The following LARS1 variants were observed in gnomAD, a reference collection of about 807,000 sequenced individuals.
LARS1 encodes leucyl-tRNA synthetase 1.
Under a neutral mutation model 162.8 loss-of-function variants are expected in LARS1, and 100 were observed. The observed-to-expected ratio is 0.61, with a 90% CI of 0.52 to 0.73. The LOEUF (loss-of-function observed/expected upper bound fraction) is 0.73, where lower values mean the gene tolerates loss of function less well. Among genes scored for constraint, LARS1 ranks in the 30% least tolerant of loss-of-function variants. The pLI is 0.00. For missense variants in LARS1, 1,258 were observed against 1,408.9 expected, an observed-to-expected ratio of 0.89 and a Z score of 1.71; for synonymous variants, 457 against 462.8, an observed-to-expected ratio of 0.99 and a Z score of 0.16.
chr5:146,158,941 A>T (rs2126538825), intron 8 of LARS1, among the ~76,000 whole-genome samples: 1 of 152,136 alleles, frequency 6.6e-6, no homozygotes, highest in East Asian at 1.9e-4. Context: ...CTAAAAATAC[A>T]AAAAATTAGC....
At chr5:146,172,083 T>C (rs1754308654) in intron 3 of LARS1, 93 bp from the exon 4 acceptor site, 2 of 1,101,492 alleles carry the variant, frequency 1.8e-6, no homozygotes, top group Non-Finnish European at 1.3e-6. Context: ...GTTTTCTTCT[T>C]TACATCCTCC....
chr5:146,131,864 C>A (rs1752301066), intron 23 of LARS1: 1 of 152,146 alleles, frequency 6.6e-6, no homozygotes, highest in South Asian at 2.1e-4. Context: ...CATACCAATC[C>A]AGGTTCTTCT....
At position 146,172,709 on chromosome 5, in the gene LARS1, G is replaced by T; in HGVS notation, c.191C>A (p.Thr64Lys). The T allele has an allele frequency of 1.3e-6, 2 of 1,580,476 alleles. No homozygotes were observed. The highest frequency in any genetic ancestry group is 1.2e-5 in the South Asian group (1 of 85,598). Residue 64 changes from threonine to lysine, a missense_variant, in exon 3 of 32, where the codon ACG becomes AAG. Thr to Lys is a moderately conservative substitution (Grantham distance 78). Coordinates refer to ENST00000394434, the MANE Select transcript of LARS1 (RefSeq NM_020117.11). ...TACCTCACATTTGGATAAAGAAAAC[G>T]TGTGTCCCAAATGAAGGCGTCCATT... Reference protein sequence around the residue: ...YMNGRLHLGHTFSLSKCEFAV... With the variant: ...YMNGRLHLGHKFSLSKCEFAV...
At chr5:146,148,423 A>C (rs1192806728) in intron 15 of LARS1, among the ~76,000 whole-genome samples, 2 of 152,218 alleles carry the variant, frequency 1.3e-5, no homozygotes, top group East Asian at 3.8e-4. Context: ...AGAGTTGAGA[A>C]ATGGAGTACT....
chr5:146,124,544 A>G (rs1751966470), intron 28 of LARS1, among the ~76,000 whole-genome samples: 1 of 151,938 alleles, frequency 6.6e-6, no homozygotes, highest in South Asian at 2.1e-4. Flanking sequence ...TATCCAAACA[A>G]AAAATCCCCA....
In LARS1 at chr5:146,175,156, T is replaced by C. The variant is rs191294877; in HGVS notation, c.126-2382A>G. On this transcript the variant is annotated intron_variant, in intron 2 of 31. Coordinates refer to ENST00000394434, the MANE Select transcript of LARS1 (RefSeq NM_020117.11). ...ATCACCTGAGCCCAGGAGACAGAGG[T>C]TGCAGTGAGCTGAGATCACACAACT... Among the ~76,000 whole-genome samples, 558 of 151,684 alleles carry C rather than the reference T, an allele frequency of 3.7e-3. 2 individuals are homozygous for C. Among genetic ancestry groups the C allele is most frequent in the African/African-American group, 0.013 (522 of 41,328 alleles).
intron 1 of LARS1, 193 bp downstream of exon 1, chr5:146,182,295 T>G: frequency 1.4e-6 from 1 of 695,710 alleles, no homozygotes; most frequent in Non-Finnish European, 2.6e-6. Context: ...ATCCAAGTAC[T>G]CCGTAAAGTT....
intron 10 of LARS1, among the ~76,000 whole-genome samples, chr5:146,155,558 G>C (rs918958679): frequency 6.6e-6 from 1 of 152,152 alleles, no homozygotes. Context: ...TGGCAACAAA[G>C]AATTTGCAGC....
At chr5:146,133,239 A>G (rs1210862701) in intron 22 of LARS1, among the ~76,000 whole-genome samples, 158 bp from the exon 23 acceptor site, 2 of 152,216 alleles carry the variant, frequency 1.3e-5, no homozygotes, top group South Asian at 2.1e-4. Flanking sequence ...AAAATCACCA[A>G]AAAGTAGCAT....
At position 146,174,485 on chromosome 5, in the gene LARS1, C is replaced by CAT. The variant is rs550238465; in HGVS notation, c.126-1713_126-1712dup. On this transcript the variant is annotated intron_variant, in intron 2 of 31. Transcript: ENST00000394434. ...ATATCCATATATATATATATATATC[C>CAT]ATATATATATATATCCATATATATA... is the stretch of plus-strand genomic sequence containing the variant. Among the ~76,000 whole-genome samples the CAT allele has an allele frequency of 8.8e-3, 225 of 25,636 alleles. 12 individuals carry two copies. The highest frequency in any genetic ancestry group is 0.029 in the Middle Eastern group (1 of 34). 16.8% of individuals were successfully genotyped at this position (25,636 alleles called of 152,430 possible).
Position 146,124,416 on chromosome 5 carries a change from T to C in LARS1, c.2992-330A>G, listed in dbSNP as rs114318304. ...ACATGCAAGCCCAAAGAATTCACTT[T>C]ACAGGGAATCAGCCAAATGTGTGAA... On this transcript the variant is annotated intron_variant, in intron 28 of 31. Coordinates refer to ENST00000394434, the MANE Select transcript of LARS1 (RefSeq NM_020117.11). Among the ~76,000 whole-genome samples, 331 of 151,996 alleles carry C rather than the reference T, an allele frequency of 2.2e-3. 3 individuals carry two copies. Among genetic ancestry groups the C allele is most frequent in the African/African-American group, 7.8e-3 (323 of 41,540 alleles).
chr5:146,181,582 G>A (rs1238352754), intron 1 of LARS1, among the ~76,000 whole-genome samples: 3 of 151,888 alleles, frequency 2.0e-5, no homozygotes, highest in Non-Finnish European at 4.4e-5. Context: ...GAGCCCTAAG[G>A]TCCAGGCTGC....
At chr5:146,138,857 G>T (rs986618557) in intron 21 of LARS1, 3 of 259,334 alleles carry the variant, frequency 1.2e-5, no homozygotes, top group African/African-American at 4.6e-5. Context: ...GTGACTCCTG[G>T]AGGCAAACCA....
chr5:146,180,719 A>G (rs1581101021), intron 1 of LARS1, among the ~76,000 whole-genome samples: 1 of 152,164 alleles, frequency 6.6e-6, no homozygotes, highest in East Asian at 1.9e-4. Context: ...ATAAAATCTG[A>G]TATTGGCCCA....
At position 146,152,002 on chromosome 5, in the gene LARS1, C is replaced by T. The variant is rs1753312855; in HGVS notation, c.1285G>A (p.Val429Met). Residue 429 changes from valine (V) to methionine (M), a missense_variant and splice_region_variant, in exon 14 of 32, where the codon GTG (valine) becomes ATG (methionine). Coordinates refer to ENST00000394434, the MANE Select transcript of LARS1 (RefSeq NM_020117.11). Reference protein sequence around the residue: ...RDDMVLPFEPVPVIEIPGFGN... With the variant: ...RDDMVLPFEPMPVIEIPGFGN... ...AAACCTGGGATTTCAATGACTGGCA[C>T]CTGCAGCAAACAGCAATCAGGAACG... 6.2e-7 allele frequency: 1 copy of T among 1,613,808 alleles called. No homozygotes were observed.
At chr5:146,178,046 C>T (rs1053570029) in intron 1 of LARS1, among the ~76,000 whole-genome samples, 3 of 151,720 alleles carry the variant, frequency 2.0e-5, no homozygotes, top group Admixed American at 6.6e-5. Context: ...TGCAGTGAGC[C>T]GAGATCATGC....
intron 13 of LARS1, among the ~76,000 whole-genome samples, chr5:146,152,663 C>G (rs72822263): frequency 0.055 from 8,408 of 152,216 alleles, 280 homozygotes; most frequent in Non-Finnish European, 0.069. Context: ...TTGGGGCCTG[C>G]TGATGTAAAC....
chr5:146,139,110 A>C (rs1581032456), intron 21 of LARS1: 1 of 235,830 alleles, frequency 4.2e-6, no homozygotes, highest in Non-Finnish European at 8.4e-6. Context: ...TGGGAAGCTG[A>C]GGCAGGCGAT....
chr5:146,133,846 TTTTG>T (rs965740629), intron 22 of LARS1, among the ~76,000 whole-genome samples: 1 of 152,128 alleles, frequency 6.6e-6, no homozygotes, highest in African/African-American at 2.4e-5. Flanking sequence ...TATCTATGTT[TTTTG>T]TTTGTTTGTT....
Sources: allele counts gnomAD v4.1 joint callset (sites outside exome capture counted in the v4.1 genomes callset), GRCh38; gene constraint gnomAD v4.1.1; transcripts MANE v1.5; gene names NCBI Gene and HGNC (gene_info 2026-07-23, HGNC 2026-07-21).